Variants in CUX2 observed in about 807,000 individuals in gnomAD.
CUX2 encodes homeobox protein cut-like 2.
A neutral mutation model predicts 144.8 loss-of-function variants in CUX2; 40 were observed. The observed-to-expected ratio is 0.28, with a 90% confidence interval of 0.21 to 0.36. The LOEUF (loss-of-function observed/expected upper bound fraction) is 0.36, where lower values mean the gene tolerates loss of function less well. Ranked by LOEUF, CUX2 falls within the 10% of genes least tolerant of loss-of-function variation. CUX2 has a pLI of 1.00. For missense variants in CUX2, 1,615 were observed against 1,994.0 expected (o/e 0.81, Z 3.62); for synonymous variants, 827 against 875.6 (o/e 0.94, Z 0.98).
intron 5 of CUX2, 27 bp downstream of exon 5, chr12:111,291,579 C>T: frequency 6.5e-7 from 1 of 1,549,956 alleles, no homozygotes. Context: ...CTCGGAGCGT[C>T]TACAATAAAC....
chr12:111,052,574 T>A (rs1279802068), intron 1 of CUX2, among the ~76,000 whole-genome samples: 1 of 152,192 alleles, frequency 6.6e-6, no homozygotes, highest in African/African-American at 2.4e-5. Context: ...AATTTTTGTG[T>A]CTGTGTCCTT....
At chr12:111,197,914 C>T (rs145145440) in intron 1 of CUX2, among the ~76,000 whole-genome samples, 1 of 152,246 alleles carries the variant, frequency 6.6e-6, no homozygotes, top group East Asian at 1.9e-4. Flanking sequence ...AGTGCCCCCA[C>T]TCAAGCCTGT....
intron 1 of CUX2, among the ~76,000 whole-genome samples, chr12:111,074,189 T>C (rs941619192): frequency 6.6e-6 from 1 of 152,018 alleles, no homozygotes; most frequent in African/African-American, 2.4e-5. Flanking sequence ...AATAACATCC[T>C]GGAAGCTGAA....
Position 111,059,822 on chromosome 12 carries a change from G to C in CUX2, c.63+25582G>C, listed in dbSNP as rs1362877479. On this transcript the variant is annotated intron_variant, in intron 1 of 21. Coordinates refer to ENST00000261726, the MANE Select transcript of CUX2 (RefSeq NM_015267.4). The surrounding 1 kb of genome is among the most constrained non-coding windows in gnomAD (Gnocchi z 5.3). ...GGCAGTGAGGGAGGTGTTGGGGAGA[G>C]CATGGGCCCCTTTCTCCCCAGCTTA... Among the ~76,000 whole-genome samples the C allele has an allele frequency of 6.6e-6, 1 of 152,062 alleles. No individual in the cohort carries two copies. Among genetic ancestry groups the C allele is most frequent in the Non-Finnish European group, 1.5e-5 (1 of 68,000 alleles).
At chr12:111,231,376 G>A (rs890336437) in intron 3 of CUX2, among the ~76,000 whole-genome samples, 1 of 152,196 alleles carries the variant, frequency 6.6e-6, no homozygotes, top group Non-Finnish European at 1.5e-5. Context: ...TTACATTTAT[G>A]TTTAACAAAA....
At chr12:111,048,291 T>A (rs887181495) in intron 1 of CUX2, among the ~76,000 whole-genome samples, 1 of 152,220 alleles carries the variant, frequency 6.6e-6, no homozygotes, top group Non-Finnish European at 1.5e-5. Context: ...AAGGACAGCA[T>A]CTGTGATGAA....
At chr12:111,268,643 G>A (rs566118895) in intron 4 of CUX2, among the ~76,000 whole-genome samples, 105 of 152,362 alleles carry the variant, frequency 6.9e-4, no homozygotes, top group Non-Finnish European at 1.3e-3. Flanking sequence ...ACGAGGCCGA[G>A]ACAGCCCATG....
intron 1 of CUX2, among the ~76,000 whole-genome samples, chr12:111,072,600 G>C (rs1462418750): frequency 6.6e-6 from 1 of 152,240 alleles, no homozygotes; most frequent in African/African-American, 2.4e-5. Context: ...GAGGAAGTTT[G>C]TTGGGGGTAT....
intron 1 of CUX2, among the ~76,000 whole-genome samples, chr12:111,143,733 G>A (rs1443474765): frequency 1.3e-5 from 2 of 151,884 alleles, no homozygotes; most frequent in Admixed American, 6.5e-5. Flanking sequence ...CCATCAATGT[G>A]CGTCCCTGTG....
intron 1 of CUX2, among the ~76,000 whole-genome samples, chr12:111,161,155 G>A (rs1479397804): frequency 6.6e-6 from 1 of 152,104 alleles, no homozygotes; most frequent in African/African-American, 2.4e-5. Flanking sequence ...CCAGAGCCCT[G>A]GATCACTGGA....
At chr12:111,158,335 C>T (rs751832637) in intron 1 of CUX2, among the ~76,000 whole-genome samples, 31 of 151,596 alleles carry the variant, frequency 2.0e-4, no homozygotes, top group East Asian at 3.9e-4. Context: ...AGCTCAAGTG[C>T]GGTGGCTCAT....
At chr12:111,119,088 G>C (rs1437494353) in intron 1 of CUX2, among the ~76,000 whole-genome samples, 1 of 152,212 alleles carries the variant, frequency 6.6e-6, no homozygotes, top group Non-Finnish European at 1.5e-5. Context: ...TAATCTGGAA[G>C]GAACAGCAGC....
rs767356357 is a variant in CUX2 at position 111,322,565 on chromosome 12, C to T, written c.2911C>T (p.Pro971Ser). Residue 971 changes from proline (P) to serine (S), a missense_variant, in exon 18 of 22, where the codon CCT becomes TCT. Physicochemically the swap from Pro to Ser is moderately conservative, Grantham distance 74. Transcript: ENST00000261726. The surrounding 1 kb of genome is among the most constrained non-coding windows in gnomAD (Gnocchi z 4.2). ...GCTCGGCCAGGCAGTGGGCCAGCAG[C>T]CTGGTGCCTCCCAGGGTGAGTGCGG... The part of the protein sequence containing the change: ...DQLGQAVGQQ[P>S]GASQASPTEP... 1 of 1,609,142 alleles carries T rather than the reference C, an allele frequency of 6.2e-7. No individual in the cohort carries two copies. Among genetic ancestry groups the T allele is most frequent in the Non-Finnish European group, 8.5e-7 (1 of 1,179,626 alleles).
chr12:111,249,047 T>C (rs1883420329), intron 3 of CUX2, among the ~76,000 whole-genome samples: 1 of 152,132 alleles, frequency 6.6e-6, no homozygotes, highest in South Asian at 2.1e-4. Flanking sequence ...GGACCCACCA[T>C]CCATGGCCCC....
chr12:111,097,521 A>T (rs768485019), intron 1 of CUX2, among the ~76,000 whole-genome samples: 25 of 152,218 alleles, frequency 1.6e-4, no homozygotes, highest in Non-Finnish European at 3.5e-4. Context: ...GAGGGAGCCT[A>T]AAATGATATT....
At chr12:111,172,113 T>TTG (rs375790231) in intron 1 of CUX2, among the ~76,000 whole-genome samples, 11 of 149,750 alleles carry the variant, frequency 7.3e-5, no homozygotes, top group African/African-American at 9.8e-5. Context: ...GTGCATATGC[T>TTG]TGTGTGTGTG....
intron 3 of CUX2, among the ~76,000 whole-genome samples, chr12:111,232,708 C>A (rs1342543485): frequency 1.3e-5 from 2 of 152,054 alleles, no homozygotes; most frequent in African/African-American, 4.8e-5. Context: ...TATATCTGAC[C>A]CCTTACAGGG....
chr12:111,067,242 C>T (rs1871057319), intron 1 of CUX2, among the ~76,000 whole-genome samples: 1 of 152,218 alleles, frequency 6.6e-6, no homozygotes, highest in East Asian at 1.9e-4. Flanking sequence ...AGTGATTGGA[C>T]CACCAGAGAG....
At position 111,070,089 on chromosome 12, in the gene CUX2, C is replaced by A. The variant is rs540501570; in HGVS notation, c.63+35849C>A. Among the ~76,000 whole-genome samples, 102 of 152,310 alleles carry A rather than the reference C, an allele frequency of 6.7e-4. 3 individuals carry two copies. Among genetic ancestry groups the A allele is most frequent in the South Asian group, 2.5e-3 (12 of 4,830 alleles). Reference sequence around the variant, plus strand: ...TTCCCTGACTTGAGGCCTAGGCACACACCTCCATGCTCTGCCTGGTCTTAC... The same window carrying A: ...TTCCCTGACTTGAGGCCTAGGCACAAACCTCCATGCTCTGCCTGGTCTTAC... On this transcript the variant is annotated intron_variant, in intron 1 of 21. Coordinates refer to ENST00000261726, the MANE Select transcript of CUX2 (RefSeq NM_015267.4).
Sources: allele counts gnomAD v4.1 joint callset (sites outside exome capture counted in the v4.1 genomes callset), GRCh38; gene constraint gnomAD v4.1.1; non-coding constraint Gnocchi (gnomAD v3.1); transcripts MANE v1.5; gene names NCBI Gene and HGNC (gene_info 2026-07-23, HGNC 2026-07-21).